Variants in BCL11B observed in about 807,000 individuals in gnomAD.
BCL11B encodes the protein B-cell lymphoma/leukemia 11B.
Under a neutral mutation model 49.9 loss-of-function variants are expected in BCL11B, and 8 were observed. The observed-to-expected ratio is 0.16, with a 90% CI of 0.09 to 0.29. The LOEUF is 0.29. BCL11B is among the 10% of genes least tolerant of loss of function. The pLI, the probability that BCL11B is intolerant of heterozygous loss-of-function variation, is 1.00. For synonymous variants in BCL11B, 739 were observed against 637.4 expected, an observed-to-expected ratio of 1.16 and a Z score of -2.40; for missense variants, 1,006 against 1,351.0, an observed-to-expected ratio of 0.74 and a Z score of 4.00.
In BCL11B at chr14:99,174,919, C is replaced by A; in HGVS notation, c.1917G>T (p.Ala639=). The change falls in exon 4 of 4, where the codon GCG becomes GCT. Residue 639 remains alanine (A), a synonymous_variant. Coordinates refer to ENST00000357195, the MANE Select transcript of BCL11B (RefSeq NM_138576.4). Reference sequence around the variant, plus strand: ...CCGCGCCCGCGTCCCCGCAGCCGCCCGCGTCGTCGTCGTCGCCCGCGTCCC... The same window carrying A: ...CCGCGCCCGCGTCCCCGCAGCCGCCAGCGTCGTCGTCGTCGCCCGCGTCCC... ...GGGDAGDDDD[A]GGCGDAGAGG... The A allele has an allele frequency of 1.7e-6, 2 of 1,211,866 alleles. No individual in the cohort carries two copies. Among genetic ancestry groups the A allele is most frequent in the Non-Finnish European group, 2.1e-6 (2 of 965,882 alleles). The allele number at this position is 1,211,866 out of a possible 1,614,324, so 75.1% of individuals were successfully genotyped here.
intron 1 of BCL11B, chr14:99,264,348 C>T: frequency 6.6e-6 from 1 of 151,048 alleles, no homozygotes; most frequent in South Asian, 2.1e-4. Flanking sequence ...ATGTTAATCA[C>T]AATAATATTG....
chr14:99,246,250 TCCGCCCGCCCCTCG>T (rs1171044947), intron 2 of BCL11B, among the ~76,000 whole-genome samples: 3 of 152,062 alleles, frequency 2.0e-5, no homozygotes, highest in Non-Finnish European at 4.4e-5. Flanking sequence ...CAGCTGCGCC[TCCGCCCGCCCCTCG>T]CCGCCCGGCT....
intron 2 of BCL11B, among the ~76,000 whole-genome samples, chr14:99,243,182 C>G (rs908351961): frequency 7.2e-5 from 11 of 152,104 alleles, no homozygotes; most frequent in African/African-American, 2.7e-4. Flanking sequence ...ATGTGACAGT[C>G]CCAACAATAA....
rs1326044932 is a variant in BCL11B, at chr14:99,262,784, G to A, written c.59-4945C>T. Among the ~76,000 whole-genome samples, 2 of 152,018 alleles carry A rather than the reference G, an allele frequency of 1.3e-5. No homozygotes were observed. Among genetic ancestry groups the A allele is most frequent in the African/African-American group, 4.8e-5 (2 of 41,370 alleles). On this transcript the variant is annotated intron_variant, in intron 1 of 3. Coordinates refer to ENST00000357195, the MANE Select transcript of BCL11B (RefSeq NM_138576.4). The surrounding 1 kb of genome is among the most constrained non-coding windows in gnomAD (Gnocchi z 4.2). Reference sequence around the variant, plus strand: ...AAACGCCACCACACGCACACTCGACGGAGCACAACACTTTCTGAGCTGCCA... The same window carrying A: ...AAACGCCACCACACGCACACTCGACAGAGCACAACACTTTCTGAGCTGCCA...
chr14:99,199,712 GCGTGTGTGCATGCATA>G, intron 3 of BCL11B, among the ~76,000 whole-genome samples: 1 of 126,686 alleles, frequency 7.9e-6, no homozygotes, highest in South Asian at 2.3e-4. Context: ...GCACGTGTGT[GCGTGTGTGCATGCATA>G]TGTGTGTGTG....
In BCL11B at chr14:99,171,892, G is replaced by A. The variant is rs142387236; in HGVS notation, c.*2259C>T. On this transcript the variant is annotated 3_prime_UTR_variant, in exon 4 of 4. Coordinates refer to ENST00000357195, the MANE Select transcript of BCL11B (RefSeq NM_138576.4). ...TTTTCTTGTTTTGTAAAATGCCCAGGCATTCTCGATTATTACAAATACTGG... is the reference window on the plus strand; with the variant it reads ...TTTTCTTGTTTTGTAAAATGCCCAGACATTCTCGATTATTACAAATACTGG... 30 of 202,090 alleles carry A rather than the reference G, an allele frequency of 1.5e-4. 1 individual carries two copies. Among genetic ancestry groups the A allele is most frequent in the African/African-American group, 6.7e-4 (29 of 43,482 alleles). 12.5% of individuals were successfully genotyped at this position (202,090 alleles called of 1,614,324 possible).
chr14:99,207,279 T>C (rs1566810092), intron 3 of BCL11B, among the ~76,000 whole-genome samples: 1 of 152,148 alleles, frequency 6.6e-6, no homozygotes, highest in African/African-American at 2.4e-5. Context: ...AAAAAATACA[T>C]GAGGACCCAA....
intron 2 of BCL11B, among the ~76,000 whole-genome samples, chr14:99,235,615 TTTTATTTATTTA>T (rs1261776655): frequency 6.6e-6 from 1 of 151,856 alleles, no homozygotes; most frequent in Non-Finnish European, 1.5e-5. Context: ...GTTTCTCCCT[TTTTATTTATTTA>T]TTTATTTATT....
Position 99,195,113 on chromosome 14 carries a change from G to A in BCL11B, c.641-18918C>T, listed in dbSNP as rs1009407701. On this transcript the variant is annotated intron_variant, in intron 3 of 3. Transcript: ENST00000357195. This position sits in a 1 kb window ranked among gnomAD's most constrained non-coding sequence, Gnocchi z 4.7. ...AAGGATGAGGCTGGCGCAGGAACTC[G>A]AGCCTTCAGACTCCTCTTCTGCCCA... Among the ~76,000 whole-genome samples the A allele has an allele frequency of 3.9e-5, 6 of 152,188 alleles. No individual in the cohort carries two copies. Among genetic ancestry groups the A allele is most frequent in the African/African-American group, 9.7e-5 (4 of 41,446 alleles).
rs1284786355 is a variant in BCL11B at position 99,184,861 on chromosome 14, T to C, written c.641-8666A>G. ...CGTCCACTTACCCTCATGGGACCCC[T>C]GCAGCAGAGGTGAGCTGTGCGGCTT... On this transcript the variant is annotated intron_variant, in intron 3 of 3. Transcript: ENST00000357195. The surrounding 1 kb of genome is among the most constrained non-coding windows in gnomAD (Gnocchi z 6.1). Among the ~76,000 whole-genome samples the C allele has an allele frequency of 1.3e-5, 2 of 152,192 alleles. No individual in the cohort carries two copies. The highest frequency in any genetic ancestry group is 2.9e-5 in the Non-Finnish European group (2 of 68,038).
In BCL11B at chr14:99,263,815, G is replaced by T. The variant is rs372206322; in HGVS notation, c.59-5976C>A. On this transcript the variant is annotated intron_variant, in intron 1 of 3. Transcript: ENST00000357195. ...CCAGAACCCCAAAAACTGAGCCCAGGAGCCTGGGTCTCCCCAGCACAAGAG... is the reference window on the plus strand; with the variant it reads ...CCAGAACCCCAAAAACTGAGCCCAGTAGCCTGGGTCTCCCCAGCACAAGAG... Among the ~76,000 whole-genome samples, 14 of 152,160 alleles carry T rather than the reference G, an allele frequency of 9.2e-5. No individual in the cohort carries two copies. In the East Asian group the frequency reaches 1.2e-3, roughly 13 times the overall value.
intron 3 of BCL11B, among the ~76,000 whole-genome samples, chr14:99,197,509 C>T (rs1021387221): frequency 2.6e-5 from 4 of 151,750 alleles, no homozygotes; most frequent in African/African-American, 9.7e-5. Flanking sequence ...TTTTTTTTCA[C>T]AAGGCAAGCC....
rs560915931 is a variant in BCL11B, at chr14:99,231,888, C to A, written c.428-331G>T. Reference sequence around the variant, plus strand: ...ACCCACTCTCAGGAAGGACCCCCCACGTGGGGGCCTCTGGAGCAATCAAAT... The same window carrying A: ...ACCCACTCTCAGGAAGGACCCCCCAAGTGGGGGCCTCTGGAGCAATCAAAT... On this transcript the variant is annotated intron_variant, in intron 2 of 3. Coordinates refer to ENST00000357195, the MANE Select transcript of BCL11B (RefSeq NM_138576.4). The surrounding 1 kb of genome is among the most constrained non-coding windows in gnomAD (Gnocchi z 8.1). Among the ~76,000 whole-genome samples, 1 of 151,888 alleles carries A rather than the reference C, an allele frequency of 6.6e-6. No homozygotes were observed. Among genetic ancestry groups the A allele is most frequent in the Admixed American group, 6.6e-5 (1 of 15,266 alleles).
In BCL11B at chr14:99,174,523, G is replaced by C. The variant is rs1235860240; in HGVS notation, c.2313C>G (p.Ala771=). ...DGGLSGRSGT[A]SGGSTPHLGG... ...CCAGGTGCGGGGTGCTGCCTCCGCTGGCCGTGCCGCTGCGGCCCGAGAGGC... is the reference window on the plus strand; with the variant it reads ...CCAGGTGCGGGGTGCTGCCTCCGCTCGCCGTGCCGCTGCGGCCCGAGAGGC... The change falls in exon 4 of 4, where the codon GCC becomes GCG. Residue 771 remains alanine (A), a synonymous_variant. Coordinates refer to ENST00000357195, the MANE Select transcript of BCL11B (RefSeq NM_138576.4). 1 of 1,524,542 alleles carries C rather than the reference G, an allele frequency of 6.6e-7. No homozygotes were observed. Among genetic ancestry groups the C allele is most frequent in the Non-Finnish European group, 8.8e-7 (1 of 1,137,792 alleles). 94.4% of individuals were successfully genotyped at this position (1,524,542 alleles called of 1,614,324 possible).
chr14:99,224,288 T>A (rs530202964), intron 3 of BCL11B, among the ~76,000 whole-genome samples: 14 of 152,306 alleles, frequency 9.2e-5, no homozygotes, highest in Admixed American at 4.6e-4. Flanking sequence ...GTTCTGCTAT[T>A]TGTGTGCTGT....
chr14:99,214,105 TTCC>T, intron 3 of BCL11B, among the ~76,000 whole-genome samples: 1 of 152,238 alleles, frequency 6.6e-6, no homozygotes, highest in Non-Finnish European at 1.5e-5. Context: ...AGCACAGAAG[TTCC>T]CCTTCCCTTC....
intron 3 of BCL11B, among the ~76,000 whole-genome samples, chr14:99,203,033 T>G (rs1014869656): frequency 6.6e-6 from 1 of 152,192 alleles, no homozygotes; most frequent in African/African-American, 2.4e-5. Flanking sequence ...AGCTGTTCAA[T>G]GTCCGCACCC....
rs1888893031 is a variant in BCL11B at position 99,247,894 on chromosome 14, G to A, written c.427+9577C>T. On this transcript the variant is annotated intron_variant, in intron 2 of 3. Coordinates refer to ENST00000357195, the MANE Select transcript of BCL11B (RefSeq NM_138576.4). The surrounding 1 kb of genome is among the most constrained non-coding windows in gnomAD (Gnocchi z 4.5). ...CAGGCACTCAGCCCCCAGGGCAGGG[G>A]ATGGGGGGAAAACAGCCCTGATCAA... is the stretch of plus-strand genomic sequence containing the variant. Among the ~76,000 whole-genome samples, 1 of 152,186 alleles carries A rather than the reference G, an allele frequency of 6.6e-6. No individual in the cohort carries two copies. Among genetic ancestry groups the A allele is most frequent in the East Asian group, 1.9e-4 (1 of 5,184 alleles).
chr14:99,189,864 AC>A (rs1210877267), intron 3 of BCL11B, among the ~76,000 whole-genome samples: 2 of 152,180 alleles, frequency 1.3e-5, no homozygotes, highest in Non-Finnish European at 2.9e-5. Context: ...CTTATCGGGG[AC>A]TATGGGCACT....
Sources: allele counts gnomAD v4.1 joint callset (sites outside exome capture counted in the v4.1 genomes callset), GRCh38; gene constraint gnomAD v4.1.1; non-coding constraint Gnocchi (gnomAD v3.1); transcripts MANE v1.5; gene names NCBI Gene and HGNC (gene_info 2026-07-23, HGNC 2026-07-21).